The following EFHC2 variants were observed in gnomAD, a reference collection of about 807,000 sequenced individuals.
EFHC2 encodes EF-hand domain containing 2, also known as EF-hand domain-containing family member C2.
A neutral mutation model predicts 52.7 loss-of-function variants in EFHC2; 18 were observed. The ratio of observed to expected loss-of-function variants is 0.34; its 90% confidence interval spans 0.24 to 0.51. The LOEUF is 0.51. EFHC2 is among the 20% of genes least tolerant of loss of function. The pLI is 0.97. For missense variants in EFHC2, 513 were observed against 562.5 expected (o/e 0.91, Z 0.89); for synonymous variants, 203 against 204.1 (o/e 0.99, Z 0.04).
At chrX:44,158,419 G>A (rs753550191) in intron 14 of EFHC2, among the ~76,000 whole-genome samples, 6 of 110,972 alleles carry the variant, frequency 5.4e-5, no homozygotes, top group Non-Finnish European at 7.5e-5. Context: ...CAGCCTGTCC[G>A]GCTCATATAC....
At position 44,242,365 on chromosome X, in the gene EFHC2, T is replaced by C. The variant is rs187533746; in HGVS notation, c.1112-76A>G. Reference sequence around the variant, plus strand: ...TATGGCTGTTTTGAAAGGTTTGTTATGTTTTCAAGATGAACATGGAGATCT... The same window carrying C: ...TATGGCTGTTTTGAAAGGTTTGTTACGTTTTCAAGATGAACATGGAGATCT... On this transcript the variant is annotated intron_variant, in intron 7 of 14. Transcript: ENST00000420999. The C allele has an allele frequency of 1.8e-3, 1,935 of 1,053,923 alleles. 39 individuals carry two copies. In the Admixed American group the frequency reaches 0.054, roughly 30 times the overall value. 86.9% of individuals were successfully genotyped at this position (1,053,923 alleles called of 1,213,427 possible). A position where few individuals can be genotyped will look rare whatever the true frequency, so the allele number is the denominator to read the frequency against.
chrX:44,268,017 C>T (rs1454396050), intron 3 of EFHC2, among the ~76,000 whole-genome samples: 2 of 112,044 alleles, frequency 1.8e-5, no homozygotes, highest in Non-Finnish European at 3.8e-5. Context: ...GGATTTGCTA[C>T]AGCCTTCCAA....
At chrX:44,299,343 T>G (rs1322077533) in intron 2 of EFHC2, among the ~76,000 whole-genome samples, 2 of 111,530 alleles carry the variant, frequency 1.8e-5, no homozygotes, top group Non-Finnish European at 3.8e-5. Flanking sequence ...AACACAGACC[T>G]TAAGTCTGAT....
chrX:44,253,986 T>C (rs1481083986), intron 4 of EFHC2, among the ~76,000 whole-genome samples: 1 of 112,362 alleles, frequency 8.9e-6, no homozygotes, highest in East Asian at 2.8e-4. Context: ...AAGGTCTGGA[T>C]TGGACTTCCA....
intron 13 of EFHC2, among the ~76,000 whole-genome samples, chrX:44,167,166 T>C (rs146184922): frequency 0.011 from 1,188 of 112,270 alleles, 3 homozygotes; most frequent in Non-Finnish European, 0.017. Context: ...GTTTACAATG[T>C]TTCAGGTATA....
chrX:44,216,471 C>T (rs1299501723), intron 11 of EFHC2, among the ~76,000 whole-genome samples: 1 of 111,659 alleles, frequency 9.0e-6, no homozygotes, highest in African/African-American at 3.3e-5. Context: ...AGGGAAGTGT[C>T]ACAGCAGACA....
chrX:44,256,531 GAAGA>G (rs1174047446), intron 4 of EFHC2, among the ~76,000 whole-genome samples: 6 of 111,634 alleles, frequency 5.4e-5, no homozygotes, highest in Non-Finnish European at 1.1e-4. Context: ...AGAAAATCTA[GAAGA>G]AATAGATAAA....
intron 11 of EFHC2, among the ~76,000 whole-genome samples, chrX:44,217,112 T>C (rs2037156621): frequency 8.9e-6 from 1 of 112,184 alleles, no homozygotes; most frequent in African/African-American, 3.2e-5. Context: ...AACAGGCATA[T>C]GAAAAGATGC....
intron 11 of EFHC2, among the ~76,000 whole-genome samples, chrX:44,195,343 G>A (rs1435987870): frequency 8.9e-6 from 1 of 111,953 alleles, no homozygotes; most frequent in Non-Finnish European, 1.9e-5. Context: ...AGCCATCCCA[G>A]CTGGGCCCAG....
intron 1 of EFHC2, among the ~76,000 whole-genome samples, chrX:44,313,109 A>AAAAAAAAAAAAAAG (rs2037960016): frequency 9.5e-6 from 1 of 105,046 alleles, no homozygotes; most frequent in Non-Finnish European, 1.9e-5. Context: ...AAAAAAAAAA[A>AAAAAAAAAAAAAAG]AAAGAAAGAA....
Position 44,235,070 on chromosome X carries a change from A to G in EFHC2, c.1423+235T>C, listed in dbSNP as rs2037308322. On this transcript the variant is annotated intron_variant, in intron 9 of 14. Transcript: ENST00000420999. ...TGGGGATAGTGGCAAGAAGGAGGTA[A>G]CCCCAGGTCTCCCAGCCCTAAGCCA... Among the ~76,000 whole-genome samples, 4 of 111,048 alleles carry G rather than the reference A, an allele frequency of 3.6e-5. No individual in the cohort carries two copies. In the Admixed American group the frequency reaches 3.8e-4, roughly 11 times the overall value.
intron 13 of EFHC2, among the ~76,000 whole-genome samples, chrX:44,166,444 C>G (rs773813647): frequency 5.4e-4 from 60 of 111,321 alleles, no homozygotes; most frequent in African/African-American, 2.0e-3. Context: ...TTGGAAAGAT[C>G]ATGAGCTCAG....
At chrX:44,309,735 T>A (rs776974673) in intron 2 of EFHC2, 7 of 980,588 alleles carry the variant, frequency 7.1e-6, no homozygotes, top group Non-Finnish European at 1.0e-5. Flanking sequence ...TCGGTCCTCG[T>A]TTCTTGAGCC....
chrX:44,232,839 G>A (rs1278937350), intron 9 of EFHC2, among the ~76,000 whole-genome samples, 162 bp from the exon 10 acceptor site: 1 of 111,232 alleles, frequency 9.0e-6, no homozygotes, highest in Non-Finnish European at 1.9e-5. Flanking sequence ...GAGGCAGTGA[G>A]TGAAGAAATA....
rs149234625 is a variant in EFHC2, at chrX:44,278,366, A to T, written c.232-5530T>A. ...CTCCAGCCTGAGCAACGACAGAGTG[A>T]CATTCCGTGAAAAACAAACAAACAA... On this transcript the variant is annotated intron_variant, in intron 2 of 14. Coordinates refer to ENST00000420999, the MANE Select transcript of EFHC2 (RefSeq NM_025184.4). 7.1e-5 allele frequency among the ~76,000 whole-genome samples: 8 copies of T among 112,247 alleles called. No individual in the cohort carries two copies. In the East Asian group the frequency reaches 2.0e-3, roughly 27 times the overall value.
intron 2 of EFHC2, among the ~76,000 whole-genome samples, chrX:44,273,689 C>G (rs2037634105): frequency 9.0e-6 from 1 of 111,522 alleles, no homozygotes; most frequent in South Asian, 3.7e-4. Flanking sequence ...GCATCCTGCT[C>G]ACACACTGAG....
intron 11 of EFHC2, among the ~76,000 whole-genome samples, chrX:44,227,165 G>A (rs990638098): frequency 9.0e-6 from 1 of 111,046 alleles, no homozygotes; most frequent in Non-Finnish European, 1.9e-5. Context: ...ATATTCTGAT[G>A]AGGAGAGTCA....
intron 13 of EFHC2, among the ~76,000 whole-genome samples, chrX:44,167,168 T>C (rs2036702558): frequency 8.9e-6 from 1 of 112,341 alleles, no homozygotes; most frequent in Non-Finnish European, 1.9e-5. Context: ...TTACAATGTT[T>C]CAGGTATACT....
intron 11 of EFHC2, among the ~76,000 whole-genome samples, chrX:44,191,078 C>A (rs2147288776): frequency 8.9e-6 from 1 of 111,952 alleles, no homozygotes; most frequent in Non-Finnish European, 1.9e-5. Flanking sequence ...AGCAAGCCTG[C>A]TCTACTTGTG....
Sources: gnomAD v4.1 joint callset for allele counts (sites outside exome capture counted in the v4.1 genomes callset) on GRCh38, gnomAD v4.1.1 for gene constraint, MANE v1.5 for transcripts, NCBI Gene and HGNC (gene_info 2026-07-23, HGNC 2026-07-21) for gene names.